Variants in FGF18 observed in about 807,000 individuals in gnomAD.
The protein encoded by FGF18 is fibroblast growth factor 18.
FGF18 carries 5 observed loss-of-function variants against 23.0 expected under a neutral mutation model. That is an observed-to-expected ratio of 0.22 (90% CI 0.11 to 0.46). The LOEUF is 0.46. Ranked by LOEUF, FGF18 falls within the 20% of genes least tolerant of loss-of-function variation. FGF18 has a pLI of 0.99. For missense variants in FGF18, 180 were observed against 291.6 expected (o/e 0.62, Z 2.79); for synonymous variants, 117 against 118.9 (o/e 0.98, Z 0.10).
At position 171,451,078 on chromosome 5, in the gene FGF18, C is replaced by G. The variant is rs1772499987; in HGVS notation, c.357+1825C>G. Among the ~76,000 whole-genome samples, 1 of 151,402 alleles carries G rather than the reference C, an allele frequency of 6.6e-6. No individual in the cohort carries two copies. Among genetic ancestry groups the G allele is most frequent in the Non-Finnish European group, 1.5e-5 (1 of 67,656 alleles). On this transcript the variant is annotated intron_variant, in intron 4 of 4. Transcript: ENST00000274625. This position sits in a 1 kb window ranked among gnomAD's most constrained non-coding sequence, Gnocchi z 4.5. ...CCCCCCACCCCGCCGCCGGCCGCCT[C>G]CCGCCCGCGGGCGAGCCGCTGAGTC... is the stretch of plus-strand genomic sequence containing the variant.
chr5:171,438,171 G>A (rs1581274687), intron 3 of FGF18, among the ~76,000 whole-genome samples: 2 of 149,158 alleles, frequency 1.3e-5, no homozygotes, highest in Admixed American at 6.7e-5. Flanking sequence ...GCATGATCTC[G>A]GCTCACTGCA....
At position 171,420,204 on chromosome 5, in the gene FGF18, A is replaced by C. The variant is rs1156866794; in HGVS notation, c.5A>C (p.Tyr2Ser). ...CCGCCTCCCTCCCGCCCAGCGATGT[A>C]TTCAGCGCCCTCCGCCTGCACTTGC... Reference protein sequence around the residue: MYSAPSACTCLC... With the variant: MSSAPSACTCLC... The change falls in exon 1 of 5, where the codon TAT becomes TCT. Residue 2 changes from tyrosine to serine, a missense_variant. By Grantham distance (144) the Tyr-to-Ser change is moderately radical. Around this residue, in one of 3 missense-constraint regions of FGF18, gnomAD observed 57 missense variants for 59.8 expected, o/e 0.95. Transcript: ENST00000274625. The C allele has an allele frequency of 6.4e-7, 1 of 1,551,570 alleles. No homozygotes were observed. The highest frequency in any genetic ancestry group is 8.7e-7 in the Non-Finnish European group (1 of 1,152,934).
At chr5:171,442,013 C>T (rs1188240435) in intron 3 of FGF18, among the ~76,000 whole-genome samples, 1 of 152,144 alleles carries the variant, frequency 6.6e-6, no homozygotes, top group Non-Finnish European at 1.5e-5. Flanking sequence ...GGTCTCCCAG[C>T]TGGGAATGGA....
chr5:171,423,501 G>A (rs1047721806), intron 2 of FGF18, among the ~76,000 whole-genome samples: 6 of 152,170 alleles, frequency 3.9e-5, no homozygotes, highest in Non-Finnish European at 5.9e-5. Flanking sequence ...GGCGGGCCAG[G>A]CTCGGCGGGG....
At chr5:171,441,428 C>T (rs1464758153) in intron 3 of FGF18, among the ~76,000 whole-genome samples, 1 of 152,208 alleles carries the variant, frequency 6.6e-6, no homozygotes, top group Admixed American at 6.5e-5. Flanking sequence ...ACAGCCACAG[C>T]AGCCTTCCGG....
chr5:171,450,503 C>T (rs1273927583), intron 4 of FGF18, among the ~76,000 whole-genome samples: 1 of 152,324 alleles, frequency 6.6e-6, no homozygotes, highest in South Asian at 2.1e-4. Context: ...TTGGCCACGC[C>T]CGGGCACTTG....
chr5:171,420,247 C>T lies in FGF18; in HGVS notation c.32+16C>T, dbSNP rs1771982655. ...GCACTTGCCTGTAAGCGCCCGCGCG[C>T]GGGGCTGCCCACCTTGCCTGGCTGT... is the stretch of plus-strand genomic sequence containing the variant. On this transcript the variant is annotated intron_variant, in intron 1 of 4. Transcript: ENST00000274625. The T allele has an allele frequency of 3.2e-6, 5 of 1,585,646 alleles. No individual in the cohort carries two copies. Among genetic ancestry groups the T allele is most frequent in the Non-Finnish European group, 4.3e-6 (5 of 1,168,632 alleles).
chr5:171,449,328 A>G, intron 4 of FGF18, 75 bp downstream of exon 4: 2 of 894,848 alleles, frequency 2.2e-6, no homozygotes, highest in Non-Finnish European at 3.6e-6. Context: ...CAATGTGTCC[A>G]GGGCACTGTC....
In FGF18 at chr5:171,440,444, CGT is replaced by C. The variant is rs1427684734; in HGVS notation, c.250+4176_250+4177del. ...GGAGGGCCTTTGGCTCCCCTGATTG[CGT>C]GTGTCTCCCCTCAGTCCCTTATTCA... On this transcript the variant is annotated intron_variant, in intron 3 of 4. Transcript: ENST00000274625. The surrounding 1 kb of genome is among the most constrained non-coding windows in gnomAD (Gnocchi z 4.0). Among the ~76,000 whole-genome samples, 1 of 152,110 alleles carries C rather than the reference CGT, an allele frequency of 6.6e-6. No individual in the cohort carries two copies. The highest frequency in any genetic ancestry group is 2.4e-5 in the African/African-American group (1 of 41,408).
chr5:171,422,342 C>T (rs1422367690), intron 2 of FGF18, among the ~76,000 whole-genome samples: 1 of 152,110 alleles, frequency 6.6e-6, no homozygotes, highest in Non-Finnish European at 1.5e-5. Flanking sequence ...ACCACCTCCA[C>T]CTTCCCCCTT....
At chr5:171,439,505 G>C (rs1188155690) in intron 3 of FGF18, among the ~76,000 whole-genome samples, 4 of 152,220 alleles carry the variant, frequency 2.6e-5, no homozygotes, top group Admixed American at 6.5e-5. Context: ...GTTGGTGCTG[G>C]ACACTCTGTC....
chr5:171,454,623 T>C (rs1238654715), intron 4 of FGF18, among the ~76,000 whole-genome samples: 5 of 152,242 alleles, frequency 3.3e-5, no homozygotes, highest in African/African-American at 9.6e-5. Flanking sequence ...GCACTTTGTC[T>C]GGAGGGCCCA....
chr5:171,436,132 G>A lies in FGF18; in HGVS notation c.109G>A (p.Val37Met), dbSNP rs1772241822. 2.5e-6 allele frequency: 4 copies of A among 1,583,074 alleles called. No homozygotes were observed. Among genetic ancestry groups the A allele is most frequent in the African/African-American group, 2.7e-5 (2 of 73,852 alleles). The stretch of plus-strand genomic sequence containing the variant: ...GGAGAACGTGGACTTCCGCATCCAC[G>A]TGGAGAACCAGACGCGGGCTCGGGA... ...AEENVDFRIH[V>M]ENQTRARDDV... Residue 37 changes from valine (V) to methionine (M), a missense_variant, in exon 3 of 5, where the codon GTG becomes ATG. Around this residue, in one of 3 missense-constraint regions of FGF18, gnomAD observed 57 missense variants for 59.8 expected, o/e 0.95. Coordinates refer to ENST00000274625, the MANE Select transcript of FGF18 (RefSeq NM_003862.3). The surrounding 1 kb of genome is among the most constrained non-coding windows in gnomAD (Gnocchi z 4.4).
At chr5:171,429,030 G>C (rs114239266) in intron 2 of FGF18, among the ~76,000 whole-genome samples, 1 of 152,198 alleles carries the variant, frequency 6.6e-6, no homozygotes, top group Non-Finnish European at 1.5e-5. Context: ...GGACAGTCTG[G>C]GGGGTGGGGA....
At chr5:171,441,760 T>C (rs543195048) in intron 3 of FGF18, among the ~76,000 whole-genome samples, 1 of 152,348 alleles carries the variant, frequency 6.6e-6, no homozygotes, top group East Asian at 1.9e-4. Flanking sequence ...TCTCAGTATA[T>C]GCTTGAGCAA....
intron 2 of FGF18, among the ~76,000 whole-genome samples, chr5:171,421,822 GAGTC>G (rs1360087234): frequency 6.7e-6 from 1 of 148,868 alleles, no homozygotes; most frequent in East Asian, 2.1e-4. Context: ...AATATAACTG[GAGTC>G]AGTAACTTAA....
intron 2 of FGF18, 112 bp downstream of exon 2, chr5:171,420,555 C>T: frequency 9.8e-7 from 1 of 1,024,196 alleles, no homozygotes; most frequent in Admixed American, 1.8e-5. Context: ...GGGCGCTGAG[C>T]CCAGTGCACC....
chr5:171,436,339 C>G lies in FGF18; in HGVS notation c.250+66C>G. On this transcript the variant is annotated intron_variant, in intron 3 of 4. Coordinates refer to ENST00000274625, the MANE Select transcript of FGF18 (RefSeq NM_003862.3). This position sits in a 1 kb window ranked among gnomAD's most constrained non-coding sequence, Gnocchi z 4.4. ...ACATGTCCTTCCTGGCCTCAGAGAC[C>G]TCAAGTTCAAATGCCAGCCTTGCTG... 1.6e-6 allele frequency: 2 copies of G among 1,290,268 alleles called. No individual in the cohort carries two copies. Among genetic ancestry groups the G allele is most frequent in the Non-Finnish European group, 2.0e-6 (2 of 981,694 alleles). 79.9% of individuals were successfully genotyped at this position (1,290,268 alleles called of 1,614,324 possible). A position where few individuals can be genotyped will look rare whatever the true frequency, so the allele number is the denominator to read the frequency against.
chr5:171,432,114 C>G (rs568548314), intron 2 of FGF18, among the ~76,000 whole-genome samples: 7 of 152,276 alleles, frequency 4.6e-5, no homozygotes, highest in Non-Finnish European at 7.4e-5. Flanking sequence ...CACCCCTGAT[C>G]ATTGGATGCC....
Sources: gnomAD v4.1 joint callset for allele counts (sites outside exome capture counted in the v4.1 genomes callset) on GRCh38, gnomAD v4.1.1 for gene constraint, gnomAD v4.1.1 regional missense constraint, Gnocchi (gnomAD v3.1) non-coding constraint, MANE v1.5 for transcripts, NCBI Gene and HGNC (gene_info 2026-07-23, HGNC 2026-07-21) for gene names.